The following ASMTL variants were observed in gnomAD, a reference collection of about 807,000 sequenced individuals.
ASMTL encodes the protein probable bifunctional dTTP/UTP pyrophosphatase/methyltransferase protein.
ASMTL carries 57 observed loss-of-function variants against 60.3 expected under a neutral mutation model. That is an observed-to-expected ratio of 0.95 (90% CI 0.76 to 1.18). The LOEUF is 1.18. Ranked by LOEUF, ASMTL falls within the 50% of genes most tolerant of loss-of-function variation. The probability of loss-of-function intolerance (pLI) is 0.00; values close to 1 mark genes in which losing one functional copy is unlikely to be tolerated. For missense variants in ASMTL, 981 were observed against 852.6 expected (o/e 1.15, Z -1.88); for synonymous variants, 419 against 373.0 (o/e 1.12, Z -1.42).
chrX:1,443,700 C>T (rs1474283161), intron 1 of ASMTL, among the ~76,000 whole-genome samples: 4 of 139,610 alleles, frequency 2.9e-5, no homozygotes, highest in Admixed American at 1.4e-4. Context: ...TGGACACACA[C>T]TGCCATCTTG....
chrX:1,453,049 A>C, upstream of ASMTL: 1 of 517,866 alleles, frequency 1.9e-6, no homozygotes, highest in Non-Finnish European at 3.2e-6. Flanking sequence ...ACACTCCGTC[A>C]GGCCTCGCCC....
intron 7 of ASMTL, among the ~76,000 whole-genome samples, chrX:1,426,939 T>A (rs28705040): frequency 6.6e-6 from 1 of 151,158 alleles, no homozygotes; most frequent in Admixed American, 6.6e-5. Flanking sequence ...GCCGAGATCA[T>A]GCCACTGCAC....
chrX:1,436,478 G>A (rs1317785091), intron 3 of ASMTL, among the ~76,000 whole-genome samples: 3 of 152,026 alleles, frequency 2.0e-5, no homozygotes, highest in Admixed American at 1.3e-4. Flanking sequence ...TCAGCCTCCC[G>A]AGTAGCTGGG....
chrX:1,423,960 A>C (rs111162416), intron 8 of ASMTL, among the ~76,000 whole-genome samples: 34 of 135,872 alleles, frequency 2.5e-4, no homozygotes, highest in African/African-American at 2.5e-4. Context: ...ATGCATCCAT[A>C]CATCCACATC....
intron 10 of ASMTL, among the ~76,000 whole-genome samples, chrX:1,418,554 G>A (rs1343312033): frequency 2.0e-5 from 3 of 152,152 alleles, no homozygotes; most frequent in Admixed American, 2.0e-4. Context: ...ACCACAAGGA[G>A]GAGAGGCATT....
chrX:1,425,306 AAGG>A (rs1162190075), intron 8 of ASMTL, among the ~76,000 whole-genome samples: 1 of 152,194 alleles, frequency 6.6e-6, no homozygotes, highest in Non-Finnish European at 1.5e-5. Context: ...TAGAGCCCAT[AAGG>A]AGGTCACGCT....
chrX:1,425,661 C>T lies in ASMTL; in HGVS notation c.924G>A (p.Lys308=), dbSNP rs1230132241. 6.2e-7 allele frequency: 1 copy of T among 1,613,608 alleles called. No homozygotes were observed. Among genetic ancestry groups the T allele is most frequent in the Admixed American group, 1.7e-5 (1 of 59,980 alleles). Residue 308 remains lysine (K), a synonymous_variant, in exon 8 of 13, where the codon AAG becomes AAA. Transcript: ENST00000381317. The part of the protein sequence containing the change: ...SKGLLTACKL[K]VFDLLKDEAP... ...CTTCATCTTTTAACAAATCGAACAC[C>T]TTCAGTTTGCAAGCGGTGAGCAGGC...
At chrX:1,427,109 T>C (rs1438625715) in intron 7 of ASMTL, among the ~76,000 whole-genome samples, 1 of 152,072 alleles carries the variant, frequency 6.6e-6, no homozygotes, top group Non-Finnish European at 1.5e-5. Flanking sequence ...CAATGACAGG[T>C]GTCCTTCTAA....
intron 12 of ASMTL, among the ~76,000 whole-genome samples, chrX:1,411,030 A>T (rs2089997861): frequency 6.6e-6 from 1 of 151,752 alleles, no homozygotes. Flanking sequence ...TATTAAAAAT[A>T]AAAAATTAGC....
chrX:1,410,754 ATGATG>A (rs1344028716), intron 12 of ASMTL, among the ~76,000 whole-genome samples: 147 of 4,242 alleles, frequency 0.035, 2 homozygotes, highest in African/African-American at 0.066. Flanking sequence ...ATGGTGATGC[ATGATG>A]CATGCCTGTA....
intron 12 of ASMTL, among the ~76,000 whole-genome samples, chrX:1,407,482 G>A (rs1242804056): frequency 6.6e-6 from 1 of 151,504 alleles, no homozygotes; most frequent in Non-Finnish European, 1.5e-5. Flanking sequence ...TGGATAGATG[G>A]ATGCATGGAT....
At chrX:1,413,974 C>G (rs113947396) in intron 11 of ASMTL, 80 of 151,852 alleles carry the variant, frequency 5.3e-4, no homozygotes, top group Non-Finnish European at 8.7e-4. Context: ...TCCTAAGCCC[C>G]AGAACCTGGG....
intron 5 of ASMTL, among the ~76,000 whole-genome samples, chrX:1,433,766 C>T (rs1302830062): frequency 6.6e-6 from 1 of 151,830 alleles, no homozygotes; most frequent in African/African-American, 2.4e-5. Context: ...CAGAGCTGTG[C>T]CACGGCGGGC....
At chrX:1,414,694 C>T (rs1452905655) in intron 11 of ASMTL, among the ~76,000 whole-genome samples, 5 of 152,068 alleles carry the variant, frequency 3.3e-5, no homozygotes, top group African/African-American at 4.8e-5. Flanking sequence ...GGTGACAGAG[C>T]GAGACACCAT....
intron 2 of ASMTL, among the ~76,000 whole-genome samples, chrX:1,439,592 A>G (rs2091056853): frequency 6.6e-6 from 1 of 152,178 alleles, no homozygotes; most frequent in Non-Finnish European, 1.5e-5. Flanking sequence ...CACGCCTGTC[A>G]TCCCAGCACT....
chrX:1,422,496 A>G (rs1480941523), intron 8 of ASMTL, among the ~76,000 whole-genome samples: 2 of 152,098 alleles, frequency 1.3e-5, no homozygotes, highest in African/African-American at 4.8e-5. Flanking sequence ...GCCCCAAATG[A>G]TACAGGGAAC....
chrX:1,414,444 C>T (rs1441648994), intron 11 of ASMTL, among the ~76,000 whole-genome samples: 2 of 152,032 alleles, frequency 1.3e-5, no homozygotes, highest in East Asian at 1.9e-4. Flanking sequence ...TCCGGCCGGG[C>T]GGGGTGTAAT....
intron 1 of ASMTL, among the ~76,000 whole-genome samples, chrX:1,449,422 C>T (rs748169205): frequency 1.3e-5 from 2 of 151,826 alleles, no homozygotes; most frequent in Admixed American, 6.6e-5. Flanking sequence ...GCCCTGTCAC[C>T]CCCAATCATG....
intron 1 of ASMTL, among the ~76,000 whole-genome samples, chrX:1,445,907 C>A (rs1383969152): frequency 6.6e-6 from 1 of 152,010 alleles, no homozygotes; most frequent in Non-Finnish European, 1.5e-5. Context: ...GACGGGGTCA[C>A]CAAAGGGAGT....
Sources: allele counts gnomAD v4.1 joint callset (sites outside exome capture counted in the v4.1 genomes callset), GRCh38; gene constraint gnomAD v4.1.1; transcripts MANE v1.5; gene names NCBI Gene and HGNC (gene_info 2026-07-23, HGNC 2026-07-21).